Variants in ADAMTS3 observed in about 807,000 individuals in gnomAD.
ADAMTS3 encodes the protein ADAM metallopeptidase with thrombospondin type 1 motif 3.
ADAMTS3 carries 73 observed loss-of-function variants against 129.0 expected under a neutral mutation model. The observed-to-expected ratio is 0.57, with a 90% CI of 0.47 to 0.69. The LOEUF is 0.69. ADAMTS3 is among the 30% of genes least tolerant of loss of function. The pLI is 0.00. For missense variants in ADAMTS3, 1,457 were observed against 1,514.5 expected (o/e 0.96, Z 0.63); for synonymous variants, 477 against 510.8 (o/e 0.93, Z 0.89).
intron 5 of ADAMTS3, among the ~76,000 whole-genome samples, chr4:72,328,071 T>G (rs970602951): frequency 6.6e-6 from 1 of 152,178 alleles, no homozygotes; most frequent in African/African-American, 2.4e-5. Flanking sequence ...CACTGCATAA[T>G]GCAAACCAAA....
chr4:72,456,017 CTA>C (rs562234606), intron 3 of ADAMTS3, among the ~76,000 whole-genome samples: 176 of 12,998 alleles, frequency 0.014, 41 homozygotes, highest in African/African-American at 0.048. Context: ...AGTATATATA[CTA>C]TATATATATT....
intron 4 of ADAMTS3, among the ~76,000 whole-genome samples, chr4:72,399,907 G>A (rs56087067): frequency 7.3e-3 from 277 of 37,750 alleles, no homozygotes; most frequent in East Asian, 0.012. Flanking sequence ...GTGTATATAT[G>A]CACACACGGT....
chr4:72,470,548 T>C (rs1578709877), intron 3 of ADAMTS3, among the ~76,000 whole-genome samples: 1 of 151,816 alleles, frequency 6.6e-6, no homozygotes, highest in South Asian at 2.1e-4. Context: ...GCATGACTTA[T>C]AGTAATAGTT....
intron 3 of ADAMTS3, among the ~76,000 whole-genome samples, chr4:72,541,941 T>C (rs1452254895): frequency 1.3e-5 from 2 of 152,246 alleles, no homozygotes; most frequent in Non-Finnish European, 2.9e-5. Context: ...TATTCATATT[T>C]AGAATAATGA....
At chr4:72,328,219 C>T (rs1719747765) in intron 5 of ADAMTS3, among the ~76,000 whole-genome samples, 1 of 152,142 alleles carries the variant, frequency 6.6e-6, no homozygotes, top group Non-Finnish European at 1.5e-5. Context: ...GTAAACAGAA[C>T]ATTAATTCAA....
intron 3 of ADAMTS3, among the ~76,000 whole-genome samples, chr4:72,449,721 T>C (rs1187791498): frequency 6.6e-6 from 1 of 151,818 alleles, no homozygotes; most frequent in Non-Finnish European, 1.5e-5. Context: ...TGTTTTACTC[T>C]GGCTTACACA....
At chr4:72,404,602 G>C (rs575902544) in intron 4 of ADAMTS3, among the ~76,000 whole-genome samples, 24 of 151,888 alleles carry the variant, frequency 1.6e-4, no homozygotes, top group Non-Finnish European at 2.8e-4. Flanking sequence ...ACAACGATTT[G>C]CTAGTTATGA....
chr4:72,521,984 C>T (rs1377762137), intron 3 of ADAMTS3, among the ~76,000 whole-genome samples: 1 of 152,090 alleles, frequency 6.6e-6, no homozygotes, highest in South Asian at 2.1e-4. Flanking sequence ...GAAAACAGAG[C>T]CGTATATGTC....
chr4:72,347,767 G>A (rs771108421), intron 4 of ADAMTS3, among the ~76,000 whole-genome samples: 11 of 151,892 alleles, frequency 7.2e-5, no homozygotes, highest in Non-Finnish European at 1.5e-4. Flanking sequence ...AGTAGAGGAA[G>A]AGGTCACCAC....
At position 72,528,589 on chromosome 4, in the gene ADAMTS3, G is replaced by C. The variant is rs77849408; in HGVS notation, c.504+19889C>G. Among the ~76,000 whole-genome samples the C allele has an allele frequency of 0.016, 2,395 of 150,272 alleles. 113 individuals carry two copies. The East Asian group carries it at 0.19, about 12-fold the overall frequency. ...CTTGTACGTGAAAGTAGATGAGATG[G>C]AAAATGAGAGGAAAAAAGAACTTAT... On this transcript the variant is annotated intron_variant, in intron 3 of 21. Coordinates refer to ENST00000286657, the MANE Select transcript of ADAMTS3 (RefSeq NM_014243.3).
rs768313535 is a variant in ADAMTS3, at chr4:72,386,663, T to C, written c.661+28152A>G. On this transcript the variant is annotated intron_variant, in intron 4 of 21. Transcript: ENST00000286657. The stretch of plus-strand genomic sequence containing the variant: ...AACCAGACAAACACACAGAGCACCA[T>C]TGCATTTTCATGAGCTAGACATAAA... 7.2e-5 allele frequency among the ~76,000 whole-genome samples: 11 copies of C among 152,078 alleles called. No homozygotes were observed. The South Asian group carries it at 8.3e-4, about 11-fold the overall frequency.
chr4:72,381,247 T>C (rs1721281113), intron 4 of ADAMTS3, among the ~76,000 whole-genome samples: 1 of 152,154 alleles, frequency 6.6e-6, no homozygotes, highest in Admixed American at 6.6e-5. Flanking sequence ...AAAGGGCAAG[T>C]ACTTATAAAC....
intron 18 of ADAMTS3, among the ~76,000 whole-genome samples, chr4:72,296,013 T>A (rs1212344976): frequency 6.6e-6 from 1 of 152,030 alleles, no homozygotes; most frequent in Non-Finnish European, 1.5e-5. Context: ...ACTGCATGCA[T>A]GTTAAAGAAC....
chr4:72,368,414 C>T (rs1032655758), intron 4 of ADAMTS3, among the ~76,000 whole-genome samples: 3 of 151,936 alleles, frequency 2.0e-5, no homozygotes, highest in African/African-American at 4.8e-5. Flanking sequence ...GAGTACAGAT[C>T]GAACATTTTA....
intron 5 of ADAMTS3, among the ~76,000 whole-genome samples, chr4:72,324,118 C>T (rs1235954386): frequency 6.6e-6 from 1 of 152,178 alleles, no homozygotes; most frequent in Non-Finnish European, 1.5e-5. Context: ...CTAACTGCAA[C>T]TCAGCTTCAG....
chr4:72,348,883 A>T (rs937970141), intron 4 of ADAMTS3, among the ~76,000 whole-genome samples: 6 of 151,840 alleles, frequency 4.0e-5, no homozygotes, highest in African/African-American at 1.5e-4. Flanking sequence ...AACAACCTGA[A>T]TGAGCCTGGA....
intron 3 of ADAMTS3, among the ~76,000 whole-genome samples, chr4:72,541,042 G>A (rs980228652): frequency 4.6e-5 from 7 of 152,300 alleles, no homozygotes; most frequent in African/African-American, 1.7e-4. Flanking sequence ...TCCACCAACA[G>A]CTTGCACCAC....
At position 72,518,408 on chromosome 4, in the gene ADAMTS3, C is replaced by T. The variant is rs367678929; in HGVS notation, c.504+30070G>A. Reference sequence around the variant, plus strand: ...GGGTATCCTTCTTAACTTTCTGTCTCGTAGATCTGTCTAATGTTGACAGCG... The same window carrying T: ...GGGTATCCTTCTTAACTTTCTGTCTTGTAGATCTGTCTAATGTTGACAGCG... On this transcript the variant is annotated intron_variant, in intron 3 of 21. Coordinates refer to ENST00000286657, the MANE Select transcript of ADAMTS3 (RefSeq NM_014243.3). Among the ~76,000 whole-genome samples the T allele has an allele frequency of 6.0e-4, 92 of 152,210 alleles. 2 individuals are homozygous for T. In the South Asian group the frequency reaches 0.019, roughly 31 times the overall value.
chr4:72,293,943 T>C (rs1253197663), intron 19 of ADAMTS3, among the ~76,000 whole-genome samples: 1 of 151,996 alleles, frequency 6.6e-6, no homozygotes, highest in South Asian at 2.1e-4. Flanking sequence ...AATGATATGA[T>C]AGCAAAAATG....
Sources: gnomAD v4.1 joint callset for allele counts (sites outside exome capture counted in the v4.1 genomes callset) on GRCh38, gnomAD v4.1.1 for gene constraint, MANE v1.5 for transcripts, NCBI Gene and HGNC (gene_info 2026-07-23, HGNC 2026-07-21) for gene names.